The following CLEC16A variants were observed in gnomAD, a reference collection of about 807,000 sequenced individuals.
CLEC16A encodes C-type lectin domain containing 16A.
Under a neutral mutation model 109.5 loss-of-function variants are expected in CLEC16A, and 51 were observed. The ratio of observed to expected loss-of-function variants is 0.47; its 90% CI spans 0.37 to 0.59. CLEC16A has a LOEUF of 0.59. Ranked by LOEUF, CLEC16A falls within the 20% of genes least tolerant of loss-of-function variation. CLEC16A has a pLI of 0.00. For missense variants in CLEC16A, 1,339 were observed against 1,394.0 expected (o/e 0.96, Z 0.63); for synonymous variants, 673 against 564.2 (o/e 1.19, Z -2.73).
intron 19 of CLEC16A, among the ~76,000 whole-genome samples, chr16:11,067,214 AAAAG>A (rs2048821011): frequency 6.8e-6 from 1 of 147,970 alleles, no homozygotes. Context: ...TTTTTTTAAA[AAAAG>A]CAAGTGCAGA....
chr16:11,020,531 A>G (rs1423245634), intron 12 of CLEC16A, among the ~76,000 whole-genome samples: 1 of 145,062 alleles, frequency 6.9e-6, no homozygotes, highest in Non-Finnish European at 1.5e-5. Context: ...ACTCCTTTGC[A>G]AAGAGATTCG....
intron 5 of CLEC16A, 115 bp downstream of exon 5, chr16:10,971,345 A>G: frequency 1.2e-6 from 1 of 828,562 alleles, no homozygotes; most frequent in Non-Finnish European, 1.9e-6. Context: ...ATTGATGATG[A>G]GCCGTGGCAG....
intron 11 of CLEC16A, among the ~76,000 whole-genome samples, chr16:11,012,802 G>A (rs969335843): frequency 1.3e-5 from 2 of 152,130 alleles, no homozygotes; most frequent in African/African-American, 2.4e-5. Flanking sequence ...TGGTAGGCTT[G>A]TTGAATGCTT....
chr16:11,030,864 C>T (rs1474113371), intron 13 of CLEC16A, among the ~76,000 whole-genome samples: 3 of 152,156 alleles, frequency 2.0e-5, no homozygotes, highest in African/African-American at 4.8e-5. Flanking sequence ...AGGCTGGTCT[C>T]GAACTCCTGA....
chr16:11,015,124 G>A (rs1270540229), intron 11 of CLEC16A, among the ~76,000 whole-genome samples: 2 of 152,154 alleles, frequency 1.3e-5, no homozygotes, highest in Non-Finnish European at 2.9e-5. Context: ...AAAAAGAAGA[G>A]CAAGAAACCT....
chr16:11,113,973 C>T (rs183751450), intron 19 of CLEC16A, among the ~76,000 whole-genome samples: 1 of 152,320 alleles, frequency 6.6e-6, no homozygotes, highest in East Asian at 1.9e-4. Flanking sequence ...TTCAAAACGG[C>T]TATGCTAATT....
intron 22 of CLEC16A, among the ~76,000 whole-genome samples, chr16:11,126,961 T>C (rs568497683): frequency 1.3e-5 from 2 of 152,348 alleles, no homozygotes; most frequent in Non-Finnish European, 2.9e-5. Flanking sequence ...AGGAACCTGC[T>C]CAAAACCCGA....
intron 19 of CLEC16A, among the ~76,000 whole-genome samples, chr16:11,075,163 TC>T (rs1252506693): frequency 6.6e-6 from 1 of 152,214 alleles, no homozygotes; most frequent in Non-Finnish European, 1.5e-5. Context: ...TACCAGTCCT[TC>T]CCACACATTT....
intron 22 of CLEC16A, chr16:11,156,691 A>G (rs1338380350): frequency 1.5e-6 from 2 of 1,300,422 alleles, no homozygotes; most frequent in Non-Finnish European, 2.0e-6. Context: ...CGGTAATACC[A>G]GTGGAAGAGG....
At chr16:11,039,552 A>T (rs1041022066) in intron 13 of CLEC16A, among the ~76,000 whole-genome samples, 1 of 152,194 alleles carries the variant, frequency 6.6e-6, no homozygotes, top group Non-Finnish European at 1.5e-5. Flanking sequence ...GGGGAAGCCC[A>T]GGAGTTCAAG....
intron 3 of CLEC16A, among the ~76,000 whole-genome samples, chr16:10,966,653 A>G (rs2042523102): frequency 6.6e-6 from 1 of 152,222 alleles, no homozygotes. Context: ...TCATGGCAGA[A>G]GGTGAAGCAA....
rs200619637 is a variant in CLEC16A, at chr16:11,181,426, G to C, written c.*2736G>C. The C allele has an allele frequency of 2.9e-4, 44 of 152,590 alleles. No individual in the cohort carries two copies. Among genetic ancestry groups the C allele is most frequent in the Middle Eastern group, 3.4e-3 (1 of 296 alleles). 9.5% of individuals were successfully genotyped at this position (152,590 alleles called of 1,614,324 possible). A position where few individuals can be genotyped will look rare whatever the true frequency, so the allele number is the denominator to read the frequency against. On this transcript the variant is annotated 3_prime_UTR_variant, in exon 24 of 24. Coordinates refer to ENST00000409790, the MANE Select transcript of CLEC16A (RefSeq NM_015226.3). ...GGCCCGCCCCCCAAGTCCCTGCAGA[G>C]AGCACTTAGAGTTATGGCCCAGGCC...
intron 4 of CLEC16A, among the ~76,000 whole-genome samples, chr16:10,969,526 T>C (rs1428584544): frequency 1.3e-5 from 2 of 152,220 alleles, no homozygotes; most frequent in African/African-American, 2.4e-5. Flanking sequence ...AATGTAATTC[T>C]TTGTAGAGAC....
chr16:10,992,782 A>G (rs764953624), intron 10 of CLEC16A, among the ~76,000 whole-genome samples: 11 of 152,042 alleles, frequency 7.2e-5, no homozygotes, highest in Non-Finnish European at 1.0e-4. Flanking sequence ...CTGATGATCT[A>G]TTTGTGGGGG....
At chr16:11,171,514 G>A (rs1173493210) in intron 23 of CLEC16A, among the ~76,000 whole-genome samples, 4 of 152,228 alleles carry the variant, frequency 2.6e-5, no homozygotes, top group Non-Finnish European at 4.4e-5. Flanking sequence ...GTGTCCAGGA[G>A]CCAGGCATCT....
chr16:11,175,979 G>A, intron 23 of CLEC16A, among the ~76,000 whole-genome samples: 1 of 152,252 alleles, frequency 6.6e-6, no homozygotes, highest in Non-Finnish European at 1.5e-5. Flanking sequence ...CAGATGGTAG[G>A]ACAGTGCCAT....
At chr16:11,130,733 G>A (rs565506846) in intron 22 of CLEC16A, among the ~76,000 whole-genome samples, 2 of 152,170 alleles carry the variant, frequency 1.3e-5, no homozygotes, top group African/African-American at 2.4e-5. Context: ...GCCGCACAGC[G>A]CATGGAGTCC....
chr16:11,144,319 C>T (rs779736831), intron 22 of CLEC16A, among the ~76,000 whole-genome samples: 4 of 152,112 alleles, frequency 2.6e-5, no homozygotes, highest in Non-Finnish European at 5.9e-5. Flanking sequence ...CCAGGGGTGA[C>T]GAGGCCTGCT....
intron 22 of CLEC16A, chr16:11,156,792 C>G (rs1203102405): frequency 6.2e-6 from 4 of 640,216 alleles, no homozygotes; most frequent in Non-Finnish European, 1.0e-5. Context: ...CAAGGTTGCA[C>G]CACTGCGAGA....
Sources: gnomAD v4.1 joint callset for allele counts (sites outside exome capture counted in the v4.1 genomes callset) on GRCh38, gnomAD v4.1.1 for gene constraint, MANE v1.5 for transcripts, NCBI Gene and HGNC (gene_info 2026-07-23, HGNC 2026-07-21) for gene names.